The following SNTB1 variants were observed in gnomAD, a reference collection of about 807,000 sequenced individuals.
SNTB1 encodes the protein beta-1-syntrophin.
SNTB1 carries 36 observed loss-of-function variants against 48.9 expected under a neutral mutation model. That is an observed-to-expected ratio of 0.74 (90% CI 0.56 to 0.97). The LOEUF (loss-of-function observed/expected upper bound fraction) is 0.97. SNTB1 is among the 50% of genes least tolerant of loss of function. SNTB1 has a pLI of 0.00. For missense variants in SNTB1, 786 were observed against 703.4 expected, an observed-to-expected ratio of 1.12 and a Z score of -1.33; for synonymous variants, 299 against 294.6, an observed-to-expected ratio of 1.01 and a Z score of -0.15.
chr8:120,689,367 G>T (rs1818088008), intron 2 of SNTB1, among the ~76,000 whole-genome samples: 1 of 152,198 alleles, frequency 6.6e-6, no homozygotes. Flanking sequence ...TGAAGTTAGA[G>T]GCAGTGTGTG....
At position 120,748,168 on chromosome 8, in the gene SNTB1, C is replaced by G. The variant is rs181721256; in HGVS notation, c.572-54260G>C. Among the ~76,000 whole-genome samples, 4 of 152,280 alleles carry G rather than the reference C, an allele frequency of 2.6e-5. No homozygotes were observed. The South Asian group carries it at 6.2e-4, about 24-fold the overall frequency. The stretch of plus-strand genomic sequence containing the variant: ...CATCCTCTCAGATAAATTAGTTTGA[C>G]TCTACTCAAATAAGCTCTGTTGTGG... On this transcript the variant is annotated intron_variant, in intron 1 of 6. Transcript: ENST00000517992.
At chr8:120,678,061 G>C (rs1027744260) in intron 2 of SNTB1, among the ~76,000 whole-genome samples, 12 of 152,088 alleles carry the variant, frequency 7.9e-5, no homozygotes, top group African/African-American at 2.9e-4. Context: ...ACAGAGATCT[G>C]GGAGAGGGTT....
chr8:120,776,211 T>A (rs1192241606), intron 1 of SNTB1: 1 of 152,244 alleles, frequency 6.6e-6, no homozygotes, highest in Non-Finnish European at 1.5e-5. Flanking sequence ...TCCATTCTAG[T>A]CTCACTGTGC....
intron 1 of SNTB1, among the ~76,000 whole-genome samples, chr8:120,732,736 C>T (rs1344533068): frequency 6.6e-6 from 1 of 152,142 alleles, no homozygotes; most frequent in Non-Finnish European, 1.5e-5. Flanking sequence ...ATCCCAGCTA[C>T]TTGGGAAGCT....
At position 120,561,716 on chromosome 8, in the gene SNTB1, T is replaced by C. The variant is rs537335004; in HGVS notation, c.1137-12758A>G. 2.4e-4 allele frequency among the ~76,000 whole-genome samples: 36 copies of C among 152,366 alleles called. 1 individual carries two copies. Among genetic ancestry groups the C allele is most frequent in the African/African-American group, 8.4e-4 (35 of 41,582 alleles). Reference sequence around the variant, plus strand: ...ATGGTAATGACTAAAATCAGTCCTATTTTAATGGAAAATTGAAACCATGAA... The same window carrying C: ...ATGGTAATGACTAAAATCAGTCCTACTTTAATGGAAAATTGAAACCATGAA... On this transcript the variant is annotated intron_variant, in intron 4 of 6. Coordinates refer to ENST00000517992, the MANE Select transcript of SNTB1 (RefSeq NM_021021.4).
chr8:120,551,062 C>G (rs902582568), intron 4 of SNTB1, among the ~76,000 whole-genome samples: 1 of 151,956 alleles, frequency 6.6e-6, no homozygotes, highest in African/African-American at 2.4e-5. Context: ...TCAAGACAGC[C>G]TGGCCAAGAT....
intron 3 of SNTB1, among the ~76,000 whole-genome samples, chr8:120,586,121 G>C (rs540809258): frequency 6.6e-6 from 1 of 152,188 alleles, no homozygotes; most frequent in African/African-American, 2.4e-5. Flanking sequence ...GGTATACAAA[G>C]AGAAATCACC....
chr8:120,667,521 A>ATTATT (rs774300372), intron 2 of SNTB1, among the ~76,000 whole-genome samples: 36 of 152,222 alleles, frequency 2.4e-4, no homozygotes, highest in Middle Eastern at 6.8e-3. Flanking sequence ...CACCTGGTTA[A>ATTATT]TTATTTTATT....
chr8:120,732,924 A>G (rs1030736346), intron 1 of SNTB1, among the ~76,000 whole-genome samples: 3 of 152,214 alleles, frequency 2.0e-5, no homozygotes, highest in Non-Finnish European at 4.4e-5. Flanking sequence ...CTGCCTGTCT[A>G]TGCTTTAAGG....
intron 2 of SNTB1, chr8:120,654,985 C>T: frequency 2.2e-6 from 1 of 456,174 alleles, no homozygotes; most frequent in South Asian, 1.5e-5. Context: ...ATTCAAACCA[C>T]ATGGTCATTA....
chr8:120,645,678 T>G (rs1318516662), intron 2 of SNTB1, among the ~76,000 whole-genome samples: 2 of 126,108 alleles, frequency 1.6e-5, no homozygotes, highest in Non-Finnish European at 3.4e-5. Context: ...AACTTTAAAG[T>G]AGTTTTTTCC....
At chr8:120,661,953 C>A (rs1396278714) in intron 2 of SNTB1, among the ~76,000 whole-genome samples, 1 of 152,180 alleles carries the variant, frequency 6.6e-6, no homozygotes, top group Non-Finnish European at 1.5e-5. Flanking sequence ...AATCATTTTC[C>A]AGAGAGCTGG....
chr8:120,673,322 A>C, intron 2 of SNTB1, among the ~76,000 whole-genome samples: 1 of 146,048 alleles, frequency 6.8e-6, no homozygotes. Flanking sequence ...ACCAAATCTC[A>C]CTCTGTCGCC....
At chr8:120,543,423 C>A (rs1353460970) in intron 5 of SNTB1, among the ~76,000 whole-genome samples, 1 of 152,198 alleles carries the variant, frequency 6.6e-6, no homozygotes. Context: ...TCATCATTTA[C>A]TCCACTCAGC....
At chr8:120,605,957 TG>T (rs1332305881) in intron 3 of SNTB1, among the ~76,000 whole-genome samples, 2 of 152,060 alleles carry the variant, frequency 1.3e-5, no homozygotes, top group African/African-American at 2.4e-5. Flanking sequence ...GTGGGAGGCT[TG>T]GCAAGTAGAA....
intron 1 of SNTB1, among the ~76,000 whole-genome samples, chr8:120,713,968 T>C (rs1236638826): frequency 6.6e-6 from 1 of 151,320 alleles, no homozygotes; most frequent in African/African-American, 2.4e-5. Flanking sequence ...AACAAGAGAG[T>C]GTTAGAGCCA....
intron 3 of SNTB1, among the ~76,000 whole-genome samples, chr8:120,582,700 G>A (rs1470412274): frequency 6.6e-6 from 1 of 152,018 alleles, no homozygotes; most frequent in African/African-American, 2.4e-5. Context: ...GTAAGTGGGA[G>A]TTGAACAATG....
intron 1 of SNTB1, among the ~76,000 whole-genome samples, chr8:120,729,347 A>G (rs1818815305): frequency 6.6e-6 from 1 of 152,234 alleles, no homozygotes; most frequent in African/African-American, 2.4e-5. Context: ...TTTTGACAAA[A>G]TATTTATTAA....
chr8:120,718,337 G>A (rs903635800), intron 1 of SNTB1, among the ~76,000 whole-genome samples: 11 of 152,290 alleles, frequency 7.2e-5, no homozygotes, highest in Admixed American at 1.3e-4. Context: ...TAGAGCTTGC[G>A]AGCTGAGCTG....
Sources: allele counts gnomAD v4.1 joint callset (sites outside exome capture counted in the v4.1 genomes callset), GRCh38; gene constraint gnomAD v4.1.1; transcripts MANE v1.5; gene names NCBI Gene and HGNC (gene_info 2026-07-23, HGNC 2026-07-21).